Variants in ERVV-2 observed in about 807,000 individuals in gnomAD.
ERVV-2 encodes endogenous retrovirus group V member 2, envelope.
For missense variants in ERVV-2, 291 were observed against 495.1 expected (o/e 0.59, Z 3.91); for synonymous variants, 105 against 184.6 (o/e 0.57, Z 3.49).
rs1661936 is a variant in ERVV-2, at chr19:53,048,963, A to G, written c.-289A>G. 283,579 of 557,904 alleles carry G rather than the reference A, an allele frequency of 0.51. 63,548 individuals carry two copies. The highest frequency in any genetic ancestry group is 0.6 in the Admixed American group (19,060 of 31,662). 34.6% of individuals were successfully genotyped at this position (557,904 alleles called of 1,614,324 possible). A position where few individuals can be genotyped will look rare whatever the true frequency, so the allele number is the denominator to read the frequency against. On this transcript the variant is annotated 5_prime_UTR_variant, in exon 2 of 2. Coordinates refer to ENST00000601417, the MANE Select transcript of ERVV-2 (RefSeq NM_001191055.2). The stretch of plus-strand genomic sequence containing the variant: ...CCACAGAAGAACAACAGAATTCAGC[A>G]CCTGAGCATTCTTGTGAGCCACTGG...
chr19:53,045,599 C>T (rs967539199), intron 1 of ERVV-2, among the ~76,000 whole-genome samples: 13 of 152,256 alleles, frequency 8.5e-5, no homozygotes, highest in Non-Finnish European at 1.5e-4. Flanking sequence ...CTGCGACCGG[C>T]GCATATCTTT....
Position 53,051,162 on chromosome 19 carries a change from T to C in ERVV-2, c.*303T>C, listed in dbSNP as rs2083912647. 1 of 180,142 alleles carries C rather than the reference T, an allele frequency of 5.6e-6. No individual in the cohort carries two copies. Among genetic ancestry groups the C allele is most frequent in the Non-Finnish European group, 9.9e-6 (1 of 101,432 alleles). The allele number at this position is 180,142 out of a possible 1,614,324, so 11.2% of individuals were successfully genotyped here. ...TTTTTTTTTTTTTTTTTTTTTTTTT[T>C]TTGAGACAAGTTCTTGCTCTGTCTC... On this transcript the variant is annotated 3_prime_UTR_variant, in exon 2 of 2. Transcript: ENST00000601417.
At chr19:53,046,511 T>C (rs2083891650) in intron 1 of ERVV-2, among the ~76,000 whole-genome samples, 1 of 152,194 alleles carries the variant, frequency 6.6e-6, no homozygotes, top group South Asian at 2.1e-4. Context: ...AGGTCCTTTT[T>C]GCTTTTTGTT....
chr19:53,048,387 CA>C (rs200323317), intron 1 of ERVV-2, among the ~76,000 whole-genome samples: 3 of 141,420 alleles, frequency 2.1e-5, no homozygotes, highest in African/African-American at 7.9e-5. Flanking sequence ...AAAAAACAAA[CA>C]AAAAAAAGGC....
In ERVV-2 at chr19:53,049,470, AGG is replaced by A. The variant is rs2083903336; in HGVS notation, c.220_221del (p.Gly74AsnfsTer3). 1.5e-6 allele frequency: 1 copy of A among 648,806 alleles called. No homozygotes were observed. The highest frequency in any genetic ancestry group is 2.3e-6 in the Non-Finnish European group (1 of 425,874). 40.2% of individuals were successfully genotyped at this position (648,806 alleles called of 1,614,324 possible). A position where few individuals can be genotyped will look rare whatever the true frequency, so the allele number is the denominator to read the frequency against. The part of the protein sequence containing the change: ...NFSLNLTFGS[G>X]IPEGQHKSVP... ...TTTCTTTAAACCTAACATTTGGTTC[AGG>A]AATCCCTGAAGGCCAACATAAATCT... On this transcript the variant is annotated frameshift_variant, in exon 2 of 2. Coordinates refer to ENST00000601417, the MANE Select transcript of ERVV-2 (RefSeq NM_001191055.2). LOFTEE classifies it low-confidence loss of function (END_TRUNC).
rs1460017536 is a variant in ERVV-2, at chr19:53,049,082, T to A, written c.-170T>A. 1.4e-6 allele frequency: 1 copy of A among 737,054 alleles called. No homozygotes were observed. The highest frequency in any genetic ancestry group is 2.2e-6 in the Non-Finnish European group (1 of 461,060). The allele number at this position is 737,054 out of a possible 1,614,324, so 45.7% of individuals were successfully genotyped here. On this transcript the variant is annotated 5_prime_UTR_variant, in exon 2 of 2. It adds an upstream start codon to the 5' untranslated region. Coordinates refer to ENST00000601417, the MANE Select transcript of ERVV-2 (RefSeq NM_001191055.2). Reference sequence around the variant, plus strand: ...TCAATCTCAGTACGGGGAATCTTGGTTGCGGTGGCATTGGTTCTTCTCCTT... The same window carrying A: ...TCAATCTCAGTACGGGGAATCTTGGATGCGGTGGCATTGGTTCTTCTCCTT...
At chr19:53,046,555 C>T (rs80247096) in intron 1 of ERVV-2, among the ~76,000 whole-genome samples, 1,932 of 152,278 alleles carry the variant, frequency 0.013, 32 homozygotes, top group African/African-American at 0.039. Flanking sequence ...CTCACATTCC[C>T]CTTGCTGTTT....
chr19:53,049,316 A>T lies in ERVV-2; in HGVS notation c.65A>T (p.Gln22Leu). The T allele has an allele frequency of 9.4e-7, 1 of 1,064,120 alleles. No individual in the cohort carries two copies. Among genetic ancestry groups the T allele is most frequent in the Non-Finnish European group, 1.3e-6 (1 of 756,546 alleles). 65.9% of individuals were successfully genotyped at this position (1,064,120 alleles called of 1,614,324 possible). The change falls in exon 2 of 2, where the codon CAG becomes CTG. Residue 22 changes from glutamine to leucine, a missense_variant. By Grantham distance (113) the Gln-to-Leu change is moderately radical. Coordinates refer to ENST00000601417, the MANE Select transcript of ERVV-2 (RefSeq NM_001191055.2). ...CCCATGCCCCTACTCTCACAGGCAC[A>T]GTGGAATGAAAATTCCCTTGTCAGT... ...LLPMPLLSQAQWNENSLVSFS... is the reference protein window; with the variant it reads ...LLPMPLLSQALWNENSLVSFS...
At chr19:53,045,303 T>C (rs1240267946) in intron 1 of ERVV-2, among the ~76,000 whole-genome samples, 1 of 134,232 alleles carries the variant, frequency 7.4e-6, no homozygotes, top group African/African-American at 2.7e-5. Flanking sequence ...GAGCTTCATA[T>C]TTTTTTTTGT....
At position 53,050,862 on chromosome 19, in the gene ERVV-2, C is replaced by T. The variant is rs938403064; in HGVS notation, c.*3C>T. 24 of 1,521,452 alleles carry T rather than the reference C, an allele frequency of 1.6e-5. No homozygotes were observed. In the African/African-American group the frequency reaches 2.1e-4, roughly 13 times the overall value. 94.2% of individuals were successfully genotyped at this position (1,521,452 alleles called of 1,614,324 possible). A position where few individuals can be genotyped will look rare whatever the true frequency, so the allele number is the denominator to read the frequency against. ...CTATGGAGGAATTTTCTCTCTGAGA[C>T]AGAGCAAGAGAGGGAGACCCTGATG... On this transcript the variant is annotated 3_prime_UTR_variant, in exon 2 of 2. Transcript: ENST00000601417.
intron 1 of ERVV-2, among the ~76,000 whole-genome samples, chr19:53,047,350 A>G (rs191885720): frequency 6.6e-6 from 1 of 152,308 alleles, no homozygotes; most frequent in African/African-American, 2.4e-5. Flanking sequence ...CTGTCTCAAA[A>G]AAAAGGACTT....
Position 53,051,012 on chromosome 19 carries a change from G to GT in ERVV-2, c.*153_*154insT, listed in dbSNP as rs536946356. 274,806 of 711,844 alleles carry GT rather than the reference G, an allele frequency of 0.39. 54,245 individuals carry two copies. Among genetic ancestry groups the GT allele is most frequent in the Admixed American group, 0.51 (16,084 of 31,408 alleles). The allele number at this position is 711,844 out of a possible 1,614,324, so 44.1% of individuals were successfully genotyped here. On this transcript the variant is annotated 3_prime_UTR_variant, in exon 2 of 2. Coordinates refer to ENST00000601417, the MANE Select transcript of ERVV-2 (RefSeq NM_001191055.2). ...TTAGGGTAGGCAGGTAGGCAGGCAT[G>GT]AGCAGGCAAGAGAGCCCTTGGGAAA...
At position 53,049,848 on chromosome 19, in the gene ERVV-2, G is replaced by A. The variant is rs375519943; in HGVS notation, c.597G>A (p.Ser199=). Residue 199 remains serine, a synonymous_variant, in exon 2 of 2, where the codon TCG becomes TCA. Coordinates refer to ENST00000601417, the MANE Select transcript of ERVV-2 (RefSeq NM_001191055.2). ...TAATCACATGGAGGGTTCTATATTC[G>A]CTTCCCAAGGCACACACTGTCCCCA... ...KELITWRVLY[S]LPKAHTVPTW... 7.7e-4 allele frequency: 1,187 copies of A among 1,534,978 alleles called. 12 individuals are homozygous for A. The African/African-American group carries it at 0.014, about 19-fold the overall frequency.
chr19:53,046,758 T>G (rs765532684), intron 1 of ERVV-2, among the ~76,000 whole-genome samples: 5 of 152,210 alleles, frequency 3.3e-5, no homozygotes, highest in Non-Finnish European at 7.3e-5. Flanking sequence ...CATTATGTAT[T>G]AAGAAGACCT....
chr19:53,050,631 A>G lies in ERVV-2; in HGVS notation c.1380A>G (p.Leu460=), dbSNP rs1488929065. ...CCTCCCTCAACTGGTTTGTCCCTTTACTGGGACCAGCAACAGTTATACTCT... is the reference window on the plus strand; with the variant it reads ...CCTCCCTCAACTGGTTTGTCCCTTTGCTGGGACCAGCAACAGTTATACTCT... The part of the protein sequence containing the change: ...ALPSLNWFVP[L]LGPATVILLL... The change falls in exon 2 of 2, where the codon TTA becomes TTG. Residue 460 remains leucine, a synonymous_variant. Coordinates refer to ENST00000601417, the MANE Select transcript of ERVV-2 (RefSeq NM_001191055.2). The G allele has an allele frequency of 3.7e-6, 5 of 1,343,056 alleles. No individual in the cohort carries two copies. In the African/African-American group the frequency reaches 4.4e-5, roughly 12 times the overall value. The allele number at this position is 1,343,056 out of a possible 1,614,324, so 83.2% of individuals were successfully genotyped here. A position where few individuals can be genotyped will look rare whatever the true frequency, so the allele number is the denominator to read the frequency against.
In ERVV-2 at chr19:53,050,370, C is replaced by T. The variant is rs145863133; in HGVS notation, c.1119C>T (p.Ser373=). The T allele has an allele frequency of 5.9e-5, 44 of 740,656 alleles. No homozygotes were observed. In the African/African-American group the frequency reaches 7.2e-4, roughly 12 times the overall value. The allele number at this position is 740,656 out of a possible 1,614,324, so 45.9% of individuals were successfully genotyped here. Reference sequence around the variant, plus strand: ...ATAGCATCTCTAAACTCAAGGCCTCCATAGATTCTCTAGCAAATGTAGTCA... The same window carrying T: ...ATAGCATCTCTAAACTCAAGGCCTCTATAGATTCTCTAGCAAATGTAGTCA... ...TRDSISKLKA[S]IDSLANVVMD... Residue 373 remains serine, a synonymous_variant, in exon 2 of 2, where the codon TCC becomes TCT. Transcript: ENST00000601417.
At position 53,051,136 on chromosome 19, in the gene ERVV-2, C is replaced by CTTTTTTTTTTTTTTTTTTTTTTTTTT. The variant is rs57887970; in HGVS notation, c.*280_*305dup. On this transcript the variant is annotated 3_prime_UTR_variant, in exon 2 of 2. Transcript: ENST00000601417. ...TAACCCATCCTAGAACAGCCTTTTG[C>CTTTTTTTTTTTTTTTTTTTTTTTTTT]TTTTTTTTTTTTTTTTTTTTTTTTT... 9.1e-5 allele frequency: 10 copies of CTTTTTTTTTTTTTTTTTTTTTTTTTT among 110,016 alleles called. No homozygotes were observed. The highest frequency in any genetic ancestry group is 4.3e-4 in the African/African-American group (9 of 21,160). The allele number at this position is 110,016 out of a possible 1,614,324, so 6.8% of individuals were successfully genotyped here. A position where few individuals can be genotyped will look rare whatever the true frequency, so the allele number is the denominator to read the frequency against.
chr19:53,047,445 G>C (rs777645442), intron 1 of ERVV-2, among the ~76,000 whole-genome samples: 1 of 152,206 alleles, frequency 6.6e-6, no homozygotes, highest in Non-Finnish European at 1.5e-5. Flanking sequence ...CATGAGAGAA[G>C]AGAAGAGAAC....
At position 53,050,581 on chromosome 19, in the gene ERVV-2, TG is replaced by T; in HGVS notation, c.1333del (p.Glu445ArgfsTer3). 1.1e-6 allele frequency: 1 copy of T among 904,980 alleles called. No individual in the cohort carries two copies. The highest frequency in any genetic ancestry group is 1.8e-6 in the Non-Finnish European group (1 of 570,076). The allele number at this position is 904,980 out of a possible 1,614,324, so 56.1% of individuals were successfully genotyped here. On this transcript the variant is annotated frameshift_variant, in exon 2 of 2. Transcript: ENST00000601417. LOFTEE classifies it low-confidence loss of function (END_TRUNC). ...GKGGASARAIWEAVKSALPSL... is the reference protein window; with the variant it reads ...GKGGASARAIXEAVKSALPSL... ...AGGAGGTGCTTCAGCAAGGGCCATC[TG>T]GGAGGCTGTGAAGTCTGCCCTCCCC... is the stretch of plus-strand genomic sequence containing the variant.
Sources: allele counts gnomAD v4.1 joint callset (sites outside exome capture counted in the v4.1 genomes callset), GRCh38; gene constraint gnomAD v4.1.1; transcripts MANE v1.5; gene names NCBI Gene and HGNC (gene_info 2026-07-23, HGNC 2026-07-21).